JDP2: variants seen among roughly 807,000 people sequenced by gnomAD.
JDP2 encodes the protein Jun dimerization protein 2, also known as progesterone receptor co-activator.
In JDP2, 9 loss-of-function variants were observed where a neutral mutation model predicts 17.1. The ratio of observed to expected loss-of-function variants is 0.53; its 90% CI spans 0.32 to 0.92. The LOEUF (loss-of-function observed/expected upper bound fraction) is 0.92, where lower values mean the gene tolerates loss of function less well. Among genes scored for constraint, JDP2 ranks in the 40% least tolerant of loss-of-function variants. The probability of loss-of-function intolerance (pLI) is 0.04; values close to 1 mark genes in which losing one functional copy is unlikely to be tolerated. For missense variants in JDP2, 179 were observed against 220.0 expected (o/e 0.81, Z 1.18); for synonymous variants, 107 against 95.6 (o/e 1.12, Z -0.69).
rs1319598338 is a variant in JDP2 at position 75,470,558 on chromosome 14, G to T, written c.*1083G>T. ...TATAGGCCTGTTCATTTTCACAACA[G>T]CTCTCCTATTTCACAGATGAGGAAG... On this transcript the variant is annotated 3_prime_UTR_variant, in exon 4 of 4. Coordinates refer to ENST00000651602, the MANE Select transcript of JDP2 (RefSeq NM_001135048.2). 1.3e-5 allele frequency: 2 copies of T among 152,330 alleles called. No homozygotes were observed. Among genetic ancestry groups the T allele is most frequent in the Non-Finnish European group, 2.9e-5 (2 of 68,044 alleles). 9.4% of individuals were successfully genotyped at this position (152,330 alleles called of 1,614,324 possible).
rs1366759848 is a variant in JDP2 at position 75,470,790 on chromosome 14, C to T, written c.*1315C>T. 3.3e-5 allele frequency: 5 copies of T among 152,242 alleles called. No homozygotes were observed. Among genetic ancestry groups the T allele is most frequent in the African/African-American group, 9.7e-5 (4 of 41,438 alleles). The allele number at this position is 152,242 out of a possible 1,614,324, so 9.4% of individuals were successfully genotyped here. On this transcript the variant is annotated 3_prime_UTR_variant, in exon 4 of 4. Transcript: ENST00000651602. ...GCTTGCTCCATAAGTTGTCTCATTT[C>T]GTCTTCATGGCAGCCTTGCCAGGGA...
chr14:75,459,652 G>A (rs1326793421), intron 2 of JDP2, among the ~76,000 whole-genome samples: 1 of 152,214 alleles, frequency 6.6e-6, no homozygotes, highest in African/African-American at 2.4e-5. Context: ...CAGGCCTTGG[G>A]CTGCCAGAGT....
chr14:75,469,493 G>A lies in JDP2; in HGVS notation c.*18G>A. 2 of 1,607,408 alleles carry A rather than the reference G, an allele frequency of 1.2e-6. No homozygotes were observed. The highest frequency in any genetic ancestry group is 1.7e-6 in the Non-Finnish European group (2 of 1,176,170). On this transcript the variant is annotated 3_prime_UTR_variant, in exon 4 of 4. Coordinates refer to ENST00000651602, the MANE Select transcript of JDP2 (RefSeq NM_001135048.2). ...AGAAGTGACCATGGGCTGGGAGGAG[G>A]TGGAGGAGGAGGAAGAGGAGAAGGA... is the stretch of plus-strand genomic sequence containing the variant.
chr14:75,460,614 T>C (rs1477461), intron 2 of JDP2, among the ~76,000 whole-genome samples: 79,608 of 152,026 alleles, frequency 0.52, 21,990 homozygotes, highest in African/African-American at 0.71. Context: ...AAAGAAAAGG[T>C]CGTCACCGCC....
At chr14:75,464,148 G>C (rs1326088824) in intron 3 of JDP2, among the ~76,000 whole-genome samples, 1 of 152,206 alleles carries the variant, frequency 6.6e-6, no homozygotes, top group Non-Finnish European at 1.5e-5. Flanking sequence ...TGGAAGCAGA[G>C]GTTTGGTGTG....
Position 75,428,805 on chromosome 14 carries a change from T to C in JDP2, c.-24+553T>C, listed in dbSNP as rs1367290309. Among the ~76,000 whole-genome samples the C allele has an allele frequency of 6.6e-6, 1 of 152,136 alleles. No homozygotes were observed. Among genetic ancestry groups the C allele is most frequent in the Non-Finnish European group, 1.5e-5 (1 of 68,010 alleles). Reference sequence around the variant, plus strand: ...AGAAGGGCTCGGGATTTCCATCCAATGAAGGCAGCTTCTCTCATGGCCATT... The same window carrying C: ...AGAAGGGCTCGGGATTTCCATCCAACGAAGGCAGCTTCTCTCATGGCCATT... On this transcript the variant is annotated intron_variant, in intron 1 of 3. Coordinates refer to ENST00000651602, the MANE Select transcript of JDP2 (RefSeq NM_001135048.2). The surrounding 1 kb of genome is among the most constrained non-coding windows in gnomAD (Gnocchi z 5.6).
At chr14:75,439,361 G>C (rs1048138958) in intron 2 of JDP2, among the ~76,000 whole-genome samples, 1 of 152,154 alleles carries the variant, frequency 6.6e-6, no homozygotes, top group Non-Finnish European at 1.5e-5. Flanking sequence ...TAAAAGAAAC[G>C]CGAACCCCCA....
intron 2 of JDP2, among the ~76,000 whole-genome samples, chr14:75,440,157 G>A (rs999249404): frequency 5.9e-5 from 9 of 152,284 alleles, no homozygotes; most frequent in Admixed American, 2.0e-4. Flanking sequence ...ACCCACAGAC[G>A]TGCACCATCC....
intron 3 of JDP2, among the ~76,000 whole-genome samples, chr14:75,465,578 C>T (rs1886537063): frequency 6.6e-6 from 1 of 152,240 alleles, no homozygotes; most frequent in Admixed American, 6.5e-5. Context: ...GATCCTCCTA[C>T]CTCGGCCTCC....
rs551406905 is a variant in JDP2, at chr14:75,433,707, A to G, written c.-23-4191A>G. Among the ~76,000 whole-genome samples, 220 of 152,034 alleles carry G rather than the reference A, an allele frequency of 1.4e-3. 2 individuals carry two copies. The highest frequency in any genetic ancestry group is 2.4e-3 in the Non-Finnish European group (160 of 67,986). ...TCGTCTGTCTGATTCATGCCTTGCT[A>G]GTCAGTCGCCATCTTGGATGTGTGC... On this transcript the variant is annotated intron_variant, in intron 1 of 3. Transcript: ENST00000651602.
intron 2 of JDP2, among the ~76,000 whole-genome samples, chr14:75,448,744 T>C (rs1044407416): frequency 3.9e-5 from 6 of 152,234 alleles, no homozygotes; most frequent in African/African-American, 1.4e-4. Flanking sequence ...TTCATTGTTT[T>C]AGAAGGAAGA....
intron 2 of JDP2, among the ~76,000 whole-genome samples, chr14:75,450,949 G>A (rs1302082728): frequency 6.6e-6 from 1 of 152,236 alleles, no homozygotes; most frequent in Non-Finnish European, 1.5e-5. Context: ...TCCAGTGGGA[G>A]GTGATGCTCC....
chr14:75,458,990 C>T (rs1434061700), intron 2 of JDP2, among the ~76,000 whole-genome samples: 1 of 152,226 alleles, frequency 6.6e-6, no homozygotes, highest in Non-Finnish European at 1.5e-5. Flanking sequence ...AAACTTTCTT[C>T]CAGCTCTGAA....
intron 2 of JDP2, among the ~76,000 whole-genome samples, chr14:75,455,908 TA>T (rs752550644): frequency 1.2e-4 from 19 of 152,122 alleles, no homozygotes; most frequent in Non-Finnish European, 2.6e-4. Context: ...CTCTGCCTTT[TA>T]TTGGCGGCTG....
chr14:75,461,617 T>C, intron 3 of JDP2, 87 bp downstream of exon 3: 1 of 1,023,642 alleles, frequency 9.8e-7, no homozygotes, highest in South Asian at 1.4e-5. Context: ...CAGATGTCTC[T>C]GTAGTCAATG....
chr14:75,455,598 C>G (rs1355312654), intron 2 of JDP2, among the ~76,000 whole-genome samples: 1 of 152,132 alleles, frequency 6.6e-6, no homozygotes, highest in Non-Finnish European at 1.5e-5. Flanking sequence ...ATTCATTCCC[C>G]TGATCCCTCC....
intron 2 of JDP2, among the ~76,000 whole-genome samples, chr14:75,441,294 A>C (rs1885340068): frequency 6.6e-6 from 1 of 152,210 alleles, no homozygotes; most frequent in South Asian, 2.1e-4. Flanking sequence ...GGGAGGAATT[A>C]AGTTCAACGA....
chr14:75,457,401 T>C (rs1886160095), intron 2 of JDP2, among the ~76,000 whole-genome samples: 1 of 152,236 alleles, frequency 6.6e-6, no homozygotes, highest in Non-Finnish European at 1.5e-5. Flanking sequence ...ACAGGCCATG[T>C]TAGCTGTGGG....
At chr14:75,433,547 C>CA (rs34746396) in intron 1 of JDP2, among the ~76,000 whole-genome samples, 6 of 116,686 alleles carry the variant, frequency 5.1e-5, no homozygotes, top group Non-Finnish European at 1.0e-4. Flanking sequence ...GCTCTCAGAC[C>CA]TTTTTTTTTT....
Sources: gnomAD v4.1 joint callset for allele counts (sites outside exome capture counted in the v4.1 genomes callset) on GRCh38, gnomAD v4.1.1 for gene constraint, Gnocchi (gnomAD v3.1) non-coding constraint, MANE v1.5 for transcripts, NCBI Gene and HGNC (gene_info 2026-07-23, HGNC 2026-07-21) for gene names.